The following CELF4 variants were observed in gnomAD, a reference collection of about 807,000 sequenced individuals.
The protein encoded by CELF4 is CUG-BP- and ETR-3-like factor 4.
Under a neutral mutation model 59.9 loss-of-function variants are expected in CELF4, and 18 were observed. The observed-to-expected ratio is 0.30, with a 90% CI of 0.21 to 0.45. The LOEUF (loss-of-function observed/expected upper bound fraction) is 0.45. Ranked by LOEUF, CELF4 falls within the 20% of genes least tolerant of loss-of-function variation. The probability of loss-of-function intolerance (pLI) is 1.00; values close to 1 mark genes in which losing one functional copy is unlikely to be tolerated. For synonymous variants in CELF4, 261 were observed against 267.1 expected, an observed-to-expected ratio of 0.98 and a Z score of 0.22; for missense variants, 456 against 689.0, an observed-to-expected ratio of 0.66 and a Z score of 3.79.
chr18:37,340,325 C>G (rs1243779399), intron 2 of CELF4, among the ~76,000 whole-genome samples: 1 of 152,212 alleles, frequency 6.6e-6, no homozygotes, highest in Admixed American at 6.5e-5. Flanking sequence ...TCAGCCCTGA[C>G]TGAGTTGGGG....
intron 2 of CELF4, among the ~76,000 whole-genome samples, chr18:37,421,600 G>A (rs747407823): frequency 5.9e-5 from 9 of 152,238 alleles, no homozygotes; most frequent in Non-Finnish European, 1.3e-4. Flanking sequence ...GCTGCCTGCT[G>A]CCATGGGCAC....
intron 1 of CELF4, among the ~76,000 whole-genome samples, chr18:37,531,471 A>G (rs1431385430): frequency 6.6e-6 from 1 of 152,168 alleles, no homozygotes; most frequent in Non-Finnish European, 1.5e-5. Context: ...TGCTTTTAGC[A>G]AGAATTATAT....
At chr18:37,426,801 AT>A (rs1334130687) in intron 2 of CELF4, among the ~76,000 whole-genome samples, 1 of 152,114 alleles carries the variant, frequency 6.6e-6, no homozygotes, top group Non-Finnish European at 1.5e-5. Context: ...TGCACATTAA[AT>A]TCATTATTTT....
intron 3 of CELF4, among the ~76,000 whole-genome samples, chr18:37,296,054 T>C (rs1474481537): frequency 6.6e-6 from 1 of 152,222 alleles, no homozygotes; most frequent in African/African-American, 2.4e-5. Flanking sequence ...ATCTCCTTCC[T>C]TTCTCCTTGT....
chr18:37,308,956 G>C (rs929244240), intron 3 of CELF4, among the ~76,000 whole-genome samples: 1 of 152,136 alleles, frequency 6.6e-6, no homozygotes, highest in Non-Finnish European at 1.5e-5. Context: ...GCTGCTGGCT[G>C]GGCTTGCACC....
At chr18:37,523,600 T>C (rs2099960157) in intron 1 of CELF4, among the ~76,000 whole-genome samples, 1 of 152,166 alleles carries the variant, frequency 6.6e-6, no homozygotes, top group Non-Finnish European at 1.5e-5. Context: ...AGGCCCATCA[T>C]AGGATGCCCA....
intron 2 of CELF4, among the ~76,000 whole-genome samples, chr18:37,437,154 C>T (rs1456058968): frequency 6.6e-6 from 1 of 152,134 alleles, no homozygotes; most frequent in African/African-American, 2.4e-5. Context: ...TGTGTACCTC[C>T]AAATTGACTC....
At chr18:37,446,688 C>A (rs1043275854) in intron 2 of CELF4, among the ~76,000 whole-genome samples, 10 of 152,112 alleles carry the variant, frequency 6.6e-5, no homozygotes, top group African/African-American at 2.4e-4. Flanking sequence ...TTGGTTCCCA[C>A]CCTTCCTCCT....
intron 11 of CELF4, 169 bp downstream of exon 11, chr18:37,259,012 G>A: frequency 1.1e-6 from 1 of 951,060 alleles, no homozygotes; most frequent in South Asian, 1.6e-5. Flanking sequence ...GGAGCAGCTG[G>A]GGCGGGGGCA....
At chr18:37,461,309 G>A (rs1404889515) in intron 2 of CELF4, among the ~76,000 whole-genome samples, 1 of 152,200 alleles carries the variant, frequency 6.6e-6, no homozygotes, top group African/African-American at 2.4e-5. Flanking sequence ...AAAGGAAAGA[G>A]GTTTAATTGA....
At chr18:37,250,140 C>T (rs1312839631) in intron 12 of CELF4, among the ~76,000 whole-genome samples, 1 of 152,154 alleles carries the variant, frequency 6.6e-6, no homozygotes, top group African/African-American at 2.4e-5. Flanking sequence ...GTGTTCTGCC[C>T]GCTGGCTATG....
chr18:37,430,679 G>T (rs1383031964), intron 2 of CELF4, among the ~76,000 whole-genome samples: 1 of 152,222 alleles, frequency 6.6e-6, no homozygotes, highest in Admixed American at 6.5e-5. Context: ...AATGGGGGGA[G>T]CACTGAGCAG....
chr18:37,553,472 C>T (rs1024893850), intron 1 of CELF4, among the ~76,000 whole-genome samples: 1 of 152,162 alleles, frequency 6.6e-6, no homozygotes, highest in Non-Finnish European at 1.5e-5. Context: ...GAGTTGGACC[C>T]ATGTCAGGCC....
At chr18:37,511,364 C>A (rs1029524669) in intron 1 of CELF4, among the ~76,000 whole-genome samples, 12 of 152,084 alleles carry the variant, frequency 7.9e-5, no homozygotes, top group Admixed American at 7.9e-4. Flanking sequence ...TCCCCGCGTC[C>A]GGGTCCCCTG....
At chr18:37,291,161 G>A (rs914257223) in intron 3 of CELF4, among the ~76,000 whole-genome samples, 7 of 152,070 alleles carry the variant, frequency 4.6e-5, no homozygotes, top group South Asian at 2.1e-4. Flanking sequence ...CGCCTGCCTC[G>A]GCCTCCCAAA....
At chr18:37,557,723 A>AT (rs1028588119) in intron 1 of CELF4, among the ~76,000 whole-genome samples, 8 of 152,008 alleles carry the variant, frequency 5.3e-5, no homozygotes, top group Admixed American at 6.6e-5. Context: ...TTCATTATCA[A>AT]TTTTTTTCCT....
At chr18:37,382,867 A>C (rs184354608) in intron 2 of CELF4, among the ~76,000 whole-genome samples, 2 of 152,244 alleles carry the variant, frequency 1.3e-5, no homozygotes, top group Non-Finnish European at 2.9e-5. Flanking sequence ...CCCCCTCCAC[A>C]GAAATGTAAG....
intron 10 of CELF4, among the ~76,000 whole-genome samples, chr18:37,259,882 G>A (rs145781832): frequency 3.9e-5 from 6 of 152,312 alleles, no homozygotes; most frequent in East Asian, 3.9e-4. Context: ...GTGTAGGTGC[G>A]TAGGAAGCGC....
intron 2 of CELF4, among the ~76,000 whole-genome samples, chr18:37,450,072 G>T (rs937222666): frequency 1.3e-5 from 2 of 152,304 alleles, no homozygotes; most frequent in South Asian, 2.1e-4. Context: ...GGGCCAGGGT[G>T]GGGGAAGAAA....
Sources: gnomAD v4.1 joint callset for allele counts (sites outside exome capture counted in the v4.1 genomes callset) on GRCh38, gnomAD v4.1.1 for gene constraint, MANE v1.5 for transcripts, NCBI Gene and HGNC (gene_info 2026-07-23, HGNC 2026-07-21) for gene names.